The following SFXN4 variants were observed in gnomAD, a reference collection of about 807,000 sequenced individuals.
The protein encoded by SFXN4 is sideroflexin 4.
In SFXN4, 48 loss-of-function variants were observed where a neutral mutation model predicts 54.6. The observed-to-expected ratio is 0.88, with a 90% CI of 0.70 to 1.12. The LOEUF is 1.12. SFXN4 is among the 50% of genes most tolerant of loss of function. SFXN4 has a pLI of 0.00. For synonymous variants in SFXN4, 130 were observed against 145.5 expected (o/e 0.89, Z 0.77); for missense variants, 383 against 409.2 (o/e 0.94, Z 0.55).
At chr10:119,150,492 C>A (rs1589631725) in intron 11 of SFXN4, among the ~76,000 whole-genome samples, 2 of 152,032 alleles carry the variant, frequency 1.3e-5, no homozygotes, top group East Asian at 3.9e-4. Flanking sequence ...GCCTGGGCAA[C>A]ATAGCGAGAC....
chr10:119,162,237 A>G, intron 3 of SFXN4, 103 bp downstream of exon 3: 1 of 864,888 alleles, frequency 1.2e-6, no homozygotes, highest in Admixed American at 2.3e-5. Flanking sequence ...AAGAAAGAAA[A>G]GAGACGGAGA....
chr10:119,149,127 T>C lies in SFXN4; in HGVS notation c.733-1267A>G, dbSNP rs77396138. Among the ~76,000 whole-genome samples the C allele has an allele frequency of 7.9e-5, 12 of 152,186 alleles. No homozygotes were observed. In the East Asian group the frequency reaches 2.3e-3, roughly 29 times the overall value. On this transcript the variant is annotated intron_variant, in intron 11 of 13. Coordinates refer to ENST00000355697, the MANE Select transcript of SFXN4 (RefSeq NM_213649.2). ...GTCCCGACTTCCTGGCCTCACGCAA[T>C]CCTCCTACCCCAGCCTCCTGAGTAG...
chr10:119,155,586 G>A (rs550069864), intron 10 of SFXN4, among the ~76,000 whole-genome samples: 11 of 152,120 alleles, frequency 7.2e-5, no homozygotes, highest in Admixed American at 2.6e-4. Flanking sequence ...TCCGCCTCCC[G>A]GGTTCAAGCA....
intron 12 of SFXN4, 120 bp downstream of exon 12, chr10:119,147,655 T>TAAAC: frequency 1.3e-6 from 1 of 743,308 alleles, no homozygotes; most frequent in Non-Finnish European, 2.3e-6. Context: ...CTGTGATGTG[T>TAAAC]GTTTATGGGA....
intron 1 of SFXN4, 143 bp downstream of exon 1, chr10:119,165,394 G>C: frequency 7.5e-7 from 1 of 1,328,268 alleles, no homozygotes; most frequent in Non-Finnish European, 9.6e-7. Context: ...CCGGTGGTGC[G>C]CGTTCCCGGC....
At chr10:119,147,116 TGAA>T (rs1377779986) in intron 12 of SFXN4, among the ~76,000 whole-genome samples, 1 of 152,134 alleles carries the variant, frequency 6.6e-6, no homozygotes, top group Non-Finnish European at 1.5e-5. Flanking sequence ...CGCATCAATA[TGAA>T]GAAGCCAATC....
At chr10:119,141,980 T>C (rs1335053546) in intron 13 of SFXN4, among the ~76,000 whole-genome samples, 2 of 151,872 alleles carry the variant, frequency 1.3e-5, no homozygotes, top group Admixed American at 1.3e-4. Flanking sequence ...ATCAGGAGGA[T>C]TGCTTGAGGT....
chr10:119,160,680 C>G (rs186964353), intron 5 of SFXN4, among the ~76,000 whole-genome samples: 2 of 150,548 alleles, frequency 1.3e-5, no homozygotes, highest in African/African-American at 4.9e-5. Flanking sequence ...ACCTCCGGCT[C>G]CCGGGTTCAA....
In SFXN4 at chr10:119,147,773, A is replaced by T. The variant is rs762968127; in HGVS notation, c.818+2T>A. On this transcript the variant is annotated splice_donor_variant, in intron 12 of 13. Coordinates refer to ENST00000355697, the MANE Select transcript of SFXN4 (RefSeq NM_213649.2). LOFTEE classifies it high-confidence loss of function. ...ACCTGGGGATATGACCGTGTCTCTT[A>T]CCTTTTAAAAAAGTAGGTGAAGACT... is the stretch of plus-strand genomic sequence containing the variant. The T allele has an allele frequency of 5.6e-6, 9 of 1,613,070 alleles. No homozygotes were observed. The highest frequency in any genetic ancestry group is 1.7e-5 in the Admixed American group (1 of 60,004).
At chr10:119,142,154 C>G (rs1309741373) in intron 13 of SFXN4, among the ~76,000 whole-genome samples, 2 of 152,102 alleles carry the variant, frequency 1.3e-5, no homozygotes, top group African/African-American at 4.8e-5. Flanking sequence ...AAGCCATGAT[C>G]ATACCACTGC....
chr10:119,146,446 T>TGC, intron 12 of SFXN4, 93 bp from the exon 13 acceptor site: 2 of 583,394 alleles, frequency 3.4e-6, no homozygotes, highest in Non-Finnish European at 6.0e-6. Context: ...TGTGTGTGTG[T>TGC]GTGTGTGTGT....
chr10:119,158,506 C>T (rs1455634599), intron 6 of SFXN4, among the ~76,000 whole-genome samples: 1 of 150,510 alleles, frequency 6.6e-6, no homozygotes, highest in Non-Finnish European at 1.5e-5. Context: ...ATCCCAGCTA[C>T]TCGGGAGGCT....
intron 6 of SFXN4, among the ~76,000 whole-genome samples, chr10:119,159,371 G>C (rs555434898): frequency 6.6e-6 from 1 of 152,224 alleles, no homozygotes; most frequent in African/African-American, 2.4e-5. Context: ...TCCCAGGTGA[G>C]GGGCTGTGTC....
chr10:119,153,006 C>T (rs1847133141), intron 11 of SFXN4, among the ~76,000 whole-genome samples: 1 of 152,140 alleles, frequency 6.6e-6, no homozygotes, highest in Non-Finnish European at 1.5e-5. Flanking sequence ...AAAGATCTCA[C>T]CTGCTAAAAA....
intron 11 of SFXN4, among the ~76,000 whole-genome samples, chr10:119,149,044 G>T (rs1184464267): frequency 6.6e-6 from 1 of 151,988 alleles, no homozygotes; most frequent in Non-Finnish European, 1.5e-5. Flanking sequence ...ACCCTACCAG[G>T]CCCGGCTAAC....
At chr10:119,145,588 G>A (rs190227450) in intron 13 of SFXN4, among the ~76,000 whole-genome samples, 10 of 152,208 alleles carry the variant, frequency 6.6e-5, no homozygotes, top group African/African-American at 2.4e-4. Context: ...ACAGGCATGA[G>A]CCACCGCGCC....
chr10:119,143,766 A>C (rs1027234624), intron 13 of SFXN4, among the ~76,000 whole-genome samples: 1 of 152,156 alleles, frequency 6.6e-6, no homozygotes, highest in East Asian at 1.9e-4. Flanking sequence ...CATGAGCCAC[A>C]GCACCCGACC....
At chr10:119,160,142 G>A (rs931630596) in intron 5 of SFXN4, among the ~76,000 whole-genome samples, 2 of 152,016 alleles carry the variant, frequency 1.3e-5, no homozygotes, top group Non-Finnish European at 2.9e-5. Context: ...TGGTGCTACT[G>A]TACTCCAGCC....
At chr10:119,162,712 G>A (rs1023046553) in intron 2 of SFXN4, among the ~76,000 whole-genome samples, 1 of 152,176 alleles carries the variant, frequency 6.6e-6, no homozygotes, top group Non-Finnish European at 1.5e-5. Flanking sequence ...GGCTATACAT[G>A]TCAGAAACCT....
Sources: allele counts gnomAD v4.1 joint callset (sites outside exome capture counted in the v4.1 genomes callset), GRCh38; gene constraint gnomAD v4.1.1; transcripts MANE v1.5; gene names NCBI Gene and HGNC (gene_info 2026-07-23, HGNC 2026-07-21).